PLB1: variants seen among roughly 807,000 people sequenced by gnomAD.
PLB1 encodes phospholipase B1.
In PLB1, 242 loss-of-function variants were observed where a neutral mutation model predicts 227.4. The observed-to-expected ratio is 1.06, with a 90% confidence interval of 0.96 to 1.18. The LOEUF is 1.18. Ranked by LOEUF, PLB1 falls within the 50% of genes most tolerant of loss-of-function variation. PLB1 has a pLI of 0.00. For missense variants in PLB1, 1,858 were observed against 1,816.3 expected, an observed-to-expected ratio of 1.02 and a Z score of -0.42; for synonymous variants, 757 against 682.2, an observed-to-expected ratio of 1.11 and a Z score of -1.71.
intron 1 of PLB1, among the ~76,000 whole-genome samples, chr2:28,505,554 C>A (rs561261879): frequency 6.6e-6 from 1 of 152,210 alleles, no homozygotes; most frequent in East Asian, 1.9e-4. Flanking sequence ...GGTAACGTAC[C>A]CATGACAGGC....
Position 28,543,216 on chromosome 2 carries a change from AC to A in PLB1, c.889del (p.Arg297AspfsTer16). Reference sequence around the variant, plus strand: ...TGTCAACTGGTTCTCTTTTAGGAGGACCCCCGACTCCAGGATTCTACCACGC... The same window carrying A: ...TGTCAACTGGTTCTCTTTTAGGAGGACCCCGACTCCAGGATTCTACCACGC... Reference protein sequence around the residue: ...YETTPSLHSEDPRLQDSTTLA... With the variant: ...YETTPSLHSEXPRLQDSTTLA... On this transcript the variant is annotated frameshift_variant, in exon 14 of 58. Coordinates refer to ENST00000327757, the MANE Select transcript of PLB1 (RefSeq NM_153021.5). LOFTEE classifies it high-confidence loss of function. The A allele has an allele frequency of 6.2e-7, 1 of 1,609,084 alleles. No homozygotes were observed. Among genetic ancestry groups the A allele is most frequent in the East Asian group, 2.2e-5 (1 of 44,780 alleles).
intron 1 of PLB1, among the ~76,000 whole-genome samples, chr2:28,503,573 G>C (rs12621347): frequency 0.43 from 65,244 of 152,126 alleles, 16,075 homozygotes; most frequent in Middle Eastern, 0.64. Flanking sequence ...AGCTTGGGAA[G>C]ACTTCAGCAG....
At chr2:28,507,177 C>A (rs1667728919) in intron 1 of PLB1, among the ~76,000 whole-genome samples, 1 of 152,214 alleles carries the variant, frequency 6.6e-6, no homozygotes, top group South Asian at 2.1e-4. Flanking sequence ...TCAAGGTCTG[C>A]TTGTTCGTCT....
At chr2:28,600,239 G>A (rs1683652334) in intron 35 of PLB1, among the ~76,000 whole-genome samples, 1 of 152,192 alleles carries the variant, frequency 6.6e-6, no homozygotes, top group Admixed American at 6.5e-5. Context: ...CCAAGCATGT[G>A]TAGAGCACAT....
intron 25 of PLB1, among the ~76,000 whole-genome samples, chr2:28,585,424 C>T (rs1042831786): frequency 6.6e-6 from 1 of 152,140 alleles, no homozygotes; most frequent in Non-Finnish European, 1.5e-5. Context: ...CACAGGCATG[C>T]AGCACCACCC....
rs764724496 is a variant in PLB1 at position 28,643,066 on chromosome 2, G to A, written c.*5G>A. ...CTGCGCACTGTGGCCCTCTAGGCCC[G>A]GGGGTGGGTCCTCACCCTAAACTCC... On this transcript the variant is annotated 3_prime_UTR_variant, in exon 58 of 58. Coordinates refer to ENST00000327757, the MANE Select transcript of PLB1 (RefSeq NM_153021.5). 39 of 1,589,110 alleles carry A rather than the reference G, an allele frequency of 2.5e-5. No homozygotes were observed. In the East Asian group the frequency reaches 3.0e-4, roughly 12 times the overall value.
At chr2:28,613,962 G>GT in intron 43 of PLB1, 69 bp from the exon 44 acceptor site, 1 of 1,295,770 alleles carries the variant, frequency 7.7e-7, no homozygotes, top group South Asian at 1.2e-5. Flanking sequence ...AGGATTGTTA[G>GT]TTTTTCTCCT....
chr2:28,512,678 T>C (rs911389389), intron 1 of PLB1, among the ~76,000 whole-genome samples: 2 of 149,882 alleles, frequency 1.3e-5, no homozygotes, highest in Non-Finnish European at 2.9e-5. Context: ...TCAGTTTTTT[T>C]TTCTTTCTTC....
intron 53 of PLB1, 112 bp from the exon 54 acceptor site, chr2:28,630,474 A>C (rs1688450856): frequency 1.2e-6 from 1 of 814,716 alleles, no homozygotes; most frequent in South Asian, 1.8e-5. Context: ...AAGGCAGCAC[A>C]GGCTGCAGGC....
chr2:28,598,449 C>T (rs1683328145), intron 34 of PLB1, among the ~76,000 whole-genome samples: 1 of 152,112 alleles, frequency 6.6e-6, no homozygotes, highest in Non-Finnish European at 1.5e-5. Flanking sequence ...CTCTTGCCAC[C>T]CTGGCCCACC....
At chr2:28,505,203 A>T (rs544621759) in intron 1 of PLB1, among the ~76,000 whole-genome samples, 1 of 152,194 alleles carries the variant, frequency 6.6e-6, no homozygotes, top group African/African-American at 2.4e-5. Flanking sequence ...TCATCCAGCT[A>T]ATTAGTACAG....
At chr2:28,548,130 C>T (rs968512135) in intron 14 of PLB1, among the ~76,000 whole-genome samples, 4 of 151,842 alleles carry the variant, frequency 2.6e-5, no homozygotes, top group African/African-American at 9.7e-5. Context: ...ATTTGTGACC[C>T]CGTGAAAGAC....
chr2:28,633,614 C>T (rs1361368311), intron 56 of PLB1, among the ~76,000 whole-genome samples: 1 of 152,236 alleles, frequency 6.6e-6, no homozygotes, highest in Non-Finnish European at 1.5e-5. Flanking sequence ...TATTCCAGTC[C>T]TTTCTGATGG....
chr2:28,639,332 CAAAAA>C (rs34467682), intron 56 of PLB1, among the ~76,000 whole-genome samples: 20 of 125,040 alleles, frequency 1.6e-4, no homozygotes, highest in Middle Eastern at 4.2e-3. Flanking sequence ...AAGTTGAAGA[CAAAAA>C]AAAAAAAAAA....
At chr2:28,640,775 G>T (rs940909740) in intron 56 of PLB1, 152 bp from the exon 57 acceptor site, 2 of 699,694 alleles carry the variant, frequency 2.9e-6, no homozygotes, top group Non-Finnish European at 4.8e-6. Flanking sequence ...CAGGCTGCTG[G>T]GTCCCTGCTG....
At position 28,614,023 on chromosome 2, in the gene PLB1, T is replaced by TTTC. The variant is rs34183223; in HGVS notation, c.3130-8_3130-7insTTC. 126 of 1,608,048 alleles carry TTTC rather than the reference T, an allele frequency of 7.8e-5. No homozygotes were observed. The highest frequency in any genetic ancestry group is 9.9e-5 in the Non-Finnish European group (116 of 1,174,644). ...GATAACTTCTCCATGTGTTTTTTTT[T>TTTC]CTCTTAGAATGAGCCCTTCCTGAGA... On this transcript the variant is annotated splice_polypyrimidine_tract_variant and splice_region_variant and intron_variant, in intron 43 of 57. Transcript: ENST00000327757.
chr2:28,601,330 T>G lies in PLB1; in HGVS notation c.2605T>G (p.Ser869Ala), dbSNP rs1476447763. Residue 869 changes from serine to alanine, a missense_variant and splice_region_variant, in exon 37 of 58, where the codon TCG becomes GCG. By Grantham distance (99) the Ser-to-Ala change is moderately conservative. Coordinates refer to ENST00000327757, the MANE Select transcript of PLB1 (RefSeq NM_153021.5). Reference sequence around the variant, plus strand: ...CGATTTATGTGACTACTGCACAGATTCGGTAATTGGGGCCAGGTCCAGGCC... The same window carrying G: ...CGATTTATGTGACTACTGCACAGATGCGGTAATTGGGGCCAGGTCCAGGCC... ...GSDLCDYCTD[S>A]NLYSAANFVH... is the part of the protein sequence containing the mutation. 6.2e-6 allele frequency: 10 copies of G among 1,613,848 alleles called. No individual in the cohort carries two copies. The highest frequency in any genetic ancestry group is 8.5e-6 in the Non-Finnish European group (10 of 1,179,744).
intron 21 of PLB1, among the ~76,000 whole-genome samples, chr2:28,574,226 G>A (rs1028392298): frequency 6.6e-6 from 1 of 152,070 alleles, no homozygotes; most frequent in Non-Finnish European, 1.5e-5. Context: ...TTGGGGTACA[G>A]GTAGTTTTTG....
chr2:28,602,050 C>G, intron 38 of PLB1, 86 bp downstream of exon 38: 5 of 1,301,124 alleles, frequency 3.8e-6, no homozygotes, highest in Non-Finnish European at 5.5e-6. Context: ...GAGAAGAACC[C>G]CTTTCTCTCA....
Sources: gnomAD v4.1 joint callset for allele counts (sites outside exome capture counted in the v4.1 genomes callset) on GRCh38, gnomAD v4.1.1 for gene constraint, MANE v1.5 for transcripts, NCBI Gene and HGNC (gene_info 2026-07-23, HGNC 2026-07-21) for gene names.